Variants in ALK observed in about 807,000 individuals in gnomAD.
The protein encoded by ALK is ALK tyrosine kinase receptor.
Under a neutral mutation model 163.1 loss-of-function variants are expected in ALK, and 74 were observed. The ratio of observed to expected loss-of-function variants is 0.45; its 90% CI spans 0.38 to 0.55. The LOEUF is 0.55. Ranked by LOEUF, ALK falls within the 20% of genes least tolerant of loss-of-function variation. The probability of loss-of-function intolerance (pLI) is 0.00; values close to 1 mark genes in which losing one functional copy is unlikely to be tolerated. For synonymous variants in ALK, 960 were observed against 843.2 expected (o/e 1.14, Z -2.40); for missense variants, 2,063 against 2,105.3 (o/e 0.98, Z 0.39).
chr2:29,610,744 A>C (rs865977733), intron 3 of ALK, among the ~76,000 whole-genome samples: 1 of 152,216 alleles, frequency 6.6e-6, no homozygotes, highest in South Asian at 2.1e-4. Context: ...TTACAGCTAG[A>C]GTCTGGGCAT....
Position 29,830,570 on chromosome 2 carries a change from G to C in ALK, c.667+89423C>G, listed in dbSNP as rs929391626. Among the ~76,000 whole-genome samples, 43 of 151,868 alleles carry C rather than the reference G, an allele frequency of 2.8e-4. 1 individual carries two copies. Among genetic ancestry groups the C allele is most frequent in the African/African-American group, 9.9e-4 (41 of 41,302 alleles). On this transcript the variant is annotated intron_variant, in intron 1 of 28. Transcript: ENST00000389048. Reference sequence around the variant, plus strand: ...TAGCACCAGCATCACATGGAAACTTGTTAGAAATGCAGAATACATTGGGCA... The same window carrying C: ...TAGCACCAGCATCACATGGAAACTTCTTAGAAATGCAGAATACATTGGGCA...
At chr2:29,769,578 G>A (rs1057226055) in intron 1 of ALK, among the ~76,000 whole-genome samples, 5 of 152,174 alleles carry the variant, frequency 3.3e-5, no homozygotes, top group South Asian at 2.1e-4. Flanking sequence ...AGACCTCAGG[G>A]TAGTCACACT....
At chr2:29,530,252 T>A (rs188170708) in intron 4 of ALK, among the ~76,000 whole-genome samples, 1 of 152,106 alleles carries the variant, frequency 6.6e-6, no homozygotes, top group Admixed American at 6.5e-5. Context: ...TATATGAGCA[T>A]AGAAAGGTAA....
intron 5 of ALK, among the ~76,000 whole-genome samples, chr2:29,377,754 G>A (rs10180703): frequency 0.15 from 22,884 of 152,184 alleles, 2,138 homozygotes; most frequent in African/African-American, 0.26. Flanking sequence ...GTGCATCTCA[G>A]ACTCTTTGGG....
At chr2:29,408,394 A>C (rs994470631) in intron 4 of ALK, among the ~76,000 whole-genome samples, 2 of 151,932 alleles carry the variant, frequency 1.3e-5, no homozygotes, top group Admixed American at 1.3e-4. Flanking sequence ...CCCGGCTGGA[A>C]AGCCCTTTTT....
At chr2:29,450,044 C>T (rs1266266093) in intron 4 of ALK, among the ~76,000 whole-genome samples, 1 of 152,134 alleles carries the variant, frequency 6.6e-6, no homozygotes, top group Non-Finnish European at 1.5e-5. Flanking sequence ...GCAAGCAAAA[C>T]ACAAAGGGCA....
chr2:29,521,382 A>T (rs192414455), intron 4 of ALK, among the ~76,000 whole-genome samples: 1 of 152,276 alleles, frequency 6.6e-6, no homozygotes, highest in East Asian at 1.9e-4. Flanking sequence ...ACAATCAGTC[A>T]TTGGAAAGGA....
intron 8 of ALK, among the ~76,000 whole-genome samples, chr2:29,304,670 T>C (rs1666457005): frequency 6.6e-6 from 1 of 152,202 alleles, no homozygotes; most frequent in Non-Finnish European, 1.5e-5. Flanking sequence ...CCTCTTTTCT[T>C]GTCTGCTGAC....
At chr2:29,616,935 T>C (rs72862846) in intron 3 of ALK, among the ~76,000 whole-genome samples, 2,871 of 152,286 alleles carry the variant, frequency 0.019, 70 homozygotes, top group African/African-American at 0.055. Context: ...TGTTGGTCCA[T>C]TGTGCATGTG....
chr2:29,405,344 A>G (rs1333764730), intron 4 of ALK, among the ~76,000 whole-genome samples: 2 of 152,190 alleles, frequency 1.3e-5, no homozygotes, highest in African/African-American at 2.4e-5. Flanking sequence ...TCTAACCTAC[A>G]ATATGCCTTT....
chr2:29,275,595 T>C lies in ALK; in HGVS notation c.1818-99A>G, dbSNP rs528651814. The C allele has an allele frequency of 1.9e-5, 24 of 1,288,296 alleles. No individual in the cohort carries two copies. In the East Asian group the frequency reaches 4.7e-4, roughly 25 times the overall value. The allele number at this position is 1,288,296 out of a possible 1,614,324, so 79.8% of individuals were successfully genotyped here. On this transcript the variant is annotated intron_variant, in intron 9 of 28. Coordinates refer to ENST00000389048, the MANE Select transcript of ALK (RefSeq NM_004304.5). ...TGTGTGCTGATCACCTGGCTCAGAA[T>C]GTGAGTTTGAAAAAGGCTCGCTAAT...
At chr2:29,865,204 G>T (rs191749026) in intron 1 of ALK, among the ~76,000 whole-genome samples, 2 of 152,170 alleles carry the variant, frequency 1.3e-5, no homozygotes, top group Non-Finnish European at 2.9e-5. Flanking sequence ...GACTGCTATT[G>T]TGCAACTTCC....
chr2:29,209,844 G>A lies in ALK; in HGVS notation c.3778C>T (p.Pro1260Ser), dbSNP rs766988856. 1.2e-6 allele frequency: 2 copies of A among 1,614,166 alleles called. No individual in the cohort carries two copies. Among genetic ancestry groups the A allele is most frequent in the Admixed American group, 3.3e-5 (2 of 60,022 alleles). Residue 1260 changes from proline (P) to serine (S), a missense_variant, in exon 25 of 29, where the codon CCA becomes TCA. Pro to Ser is a moderately conservative substitution (Grantham distance 74). Coordinates refer to ENST00000389048, the MANE Select transcript of ALK (RefSeq NM_004304.5). ...IAARNCLLTC[P>S]GPGRVAKIGD... Reference sequence around the variant, plus strand: ...ATCTTGGCCACTCTTCCAGGGCCTGGACAGGTCAAGAGGCAGTTTCTGGCA... The same window carrying A: ...ATCTTGGCCACTCTTCCAGGGCCTGAACAGGTCAAGAGGCAGTTTCTGGCA...
intron 3 of ALK, among the ~76,000 whole-genome samples, chr2:29,582,649 G>C (rs1474114315): frequency 6.6e-6 from 1 of 152,224 alleles, no homozygotes; most frequent in African/African-American, 2.4e-5. Context: ...CCGAGGAACA[G>C]GATCTTCCAA....
chr2:29,197,455 T>A (rs2148142910), intron 27 of ALK, 87 bp downstream of exon 27: 1 of 1,586,938 alleles, frequency 6.3e-7, no homozygotes, highest in South Asian at 1.1e-5. Flanking sequence ...TGCCCCTTCA[T>A]CTTAAAGAAG....
At chr2:29,661,129 C>T (rs1472023836) in intron 3 of ALK, among the ~76,000 whole-genome samples, 1 of 152,094 alleles carries the variant, frequency 6.6e-6, no homozygotes, top group Non-Finnish European at 1.5e-5. Flanking sequence ...TATGTTGACT[C>T]ATTTAAATCT....
At chr2:29,365,418 G>A (rs939301712) in intron 5 of ALK, among the ~76,000 whole-genome samples, 1 of 152,192 alleles carries the variant, frequency 6.6e-6, no homozygotes, top group African/African-American at 2.4e-5. Context: ...TTATGGATCT[G>A]GTTGAGCCCA....
At chr2:29,896,990 C>T (rs1173783656) in intron 1 of ALK, among the ~76,000 whole-genome samples, 1 of 151,544 alleles carries the variant, frequency 6.6e-6, no homozygotes, top group African/African-American at 2.4e-5. Flanking sequence ...TATAGATAGA[C>T]ATAGATGTAA....
At chr2:29,305,041 A>C (rs1666465677) in intron 8 of ALK, among the ~76,000 whole-genome samples, 1 of 152,206 alleles carries the variant, frequency 6.6e-6, no homozygotes, top group Non-Finnish European at 1.5e-5. Context: ...ACGTGTTTCT[A>C]AAGTGCAGCC....
Sources: allele counts gnomAD v4.1 joint callset (sites outside exome capture counted in the v4.1 genomes callset), GRCh38; gene constraint gnomAD v4.1.1; transcripts MANE v1.5; gene names NCBI Gene and HGNC (gene_info 2026-07-23, HGNC 2026-07-21).